Variants in POU6F2 observed in about 807,000 individuals in gnomAD.
The protein encoded by POU6F2 is POU domain, class 6, transcription factor 2.
A neutral mutation model predicts 71.3 loss-of-function variants in POU6F2; 31 were observed. The ratio of observed to expected loss-of-function variants is 0.43; its 90% confidence interval spans 0.33 to 0.59. The LOEUF is 0.59. Among genes scored for constraint, POU6F2 ranks in the 20% least tolerant of loss-of-function variants. The pLI is 0.04. For missense variants in POU6F2, 783 were observed against 856.8 expected, an observed-to-expected ratio of 0.91 and a Z score of 1.07; for synonymous variants, 347 against 355.7, an observed-to-expected ratio of 0.98 and a Z score of 0.27.
At chr7:39,156,718 C>T (rs1171471526) in intron 2 of POU6F2, among the ~76,000 whole-genome samples, 6 of 152,072 alleles carry the variant, frequency 3.9e-5, no homozygotes, top group African/African-American at 7.2e-5. Context: ...AGAAGTTAAA[C>T]GACTCAAAAG....
chr7:39,433,189 A>G lies in POU6F2; in HGVS notation c.1226A>G (p.Gln409Arg), dbSNP rs1467473333. The G allele has an allele frequency of 1.9e-6, 3 of 1,613,870 alleles. No individual in the cohort carries two copies. In the Admixed American group the frequency reaches 5.0e-5, roughly 27 times the overall value. Residue 409 changes from glutamine (Q) to arginine (R), a missense_variant, in exon 7 of 10, where the codon CAG becomes CGG. By Grantham distance (43) the Gln-to-Arg change is conservative. Around this residue, in one of 2 missense-constraint regions of POU6F2, gnomAD observed 572 missense variants for 572.9 expected, o/e 1.00. Coordinates refer to ENST00000518318, the MANE Select transcript of POU6F2 (RefSeq NM_001370959.1). ...PITPQLLTNA[Q>R]GQIIATVIGN... Reference sequence around the variant, plus strand: ...ACCCCCCAGCTCCTCACAAACGCCCAGGGCCAGATCATCGCCACAGTCATT... The same window carrying G: ...ACCCCCCAGCTCCTCACAAACGCCCGGGGCCAGATCATCGCCACAGTCATT...
intron 4 of POU6F2, among the ~76,000 whole-genome samples, chr7:39,256,110 T>C (rs1187422781): frequency 6.6e-6 from 1 of 151,394 alleles, no homozygotes; most frequent in Non-Finnish European, 1.5e-5. Flanking sequence ...GTTTCTCTGT[T>C]CCACATTGAG....
intron 1 of POU6F2, among the ~76,000 whole-genome samples, chr7:39,058,320 G>A (rs552666213): frequency 6.6e-6 from 1 of 152,256 alleles, no homozygotes; most frequent in East Asian, 1.9e-4. Context: ...ACCCTGATGG[G>A]GGTTAGGGAT....
chr7:39,216,700 T>A (rs1227858789), intron 4 of POU6F2, among the ~76,000 whole-genome samples: 1 of 152,198 alleles, frequency 6.6e-6, no homozygotes, highest in Non-Finnish European at 1.5e-5. Context: ...TATAAGTGAA[T>A]GCTCTAGGGC....
intron 1 of POU6F2, among the ~76,000 whole-genome samples, chr7:39,058,233 A>T (rs901213916): frequency 6.6e-6 from 1 of 152,208 alleles, no homozygotes; most frequent in Non-Finnish European, 1.5e-5. Context: ...CTCCCGGGGA[A>T]CAATACACTA....
rs1255966917 is a variant in POU6F2 at position 39,464,149 on chromosome 7, G to A, written c.1659-33G>A. ...GGCCCACCCTGGCAGAGGACTCAGTGTAAGACTGTTCTTTCTCAATTTTCC... is the reference window on the plus strand; with the variant it reads ...GGCCCACCCTGGCAGAGGACTCAGTATAAGACTGTTCTTTCTCAATTTTCC... On this transcript the variant is annotated intron_variant, in intron 9 of 9. Coordinates refer to ENST00000518318, the MANE Select transcript of POU6F2 (RefSeq NM_001370959.1). The surrounding 1 kb of genome is among the most constrained non-coding windows in gnomAD (Gnocchi z 4.1). 2.5e-6 allele frequency: 4 copies of A among 1,604,158 alleles called. No homozygotes were observed. Among genetic ancestry groups the A allele is most frequent in the Non-Finnish European group, 3.4e-6 (4 of 1,174,958 alleles).
At chr7:39,378,937 T>C (rs765815244) in intron 5 of POU6F2, among the ~76,000 whole-genome samples, 4 of 152,180 alleles carry the variant, frequency 2.6e-5, no homozygotes, top group Non-Finnish European at 5.9e-5. Flanking sequence ...GATTTTCCCT[T>C]GTGGGGAAGA....
At chr7:39,386,680 T>G (rs1414594756) in intron 5 of POU6F2, among the ~76,000 whole-genome samples, 1 of 152,180 alleles carries the variant, frequency 6.6e-6, no homozygotes, top group Non-Finnish European at 1.5e-5. Context: ...CCACTTTATT[T>G]TATTTATAAT....
intron 1 of POU6F2, among the ~76,000 whole-genome samples, chr7:39,079,050 C>G (rs769991109): frequency 6.6e-6 from 1 of 152,182 alleles, no homozygotes; most frequent in Non-Finnish European, 1.5e-5. Context: ...AAGTAACTCC[C>G]AGTCAGTTAG....
At chr7:39,178,658 C>T (rs948544724) in intron 2 of POU6F2, among the ~76,000 whole-genome samples, 1 of 152,010 alleles carries the variant, frequency 6.6e-6, no homozygotes, top group African/African-American at 2.4e-5. Context: ...ATATCTCCAC[C>T]CTATGAACCA....
At chr7:39,287,444 T>G (rs2128761238) in intron 4 of POU6F2, among the ~76,000 whole-genome samples, 1 of 152,288 alleles carries the variant, frequency 6.6e-6, no homozygotes, top group South Asian at 2.1e-4. Flanking sequence ...TTAGCTATTG[T>G]TCACCCTCCC....
At chr7:39,241,516 A>G (rs1263681829) in intron 4 of POU6F2, among the ~76,000 whole-genome samples, 2 of 152,116 alleles carry the variant, frequency 1.3e-5, no homozygotes, top group African/African-American at 4.8e-5. Context: ...TGGTCTGGAT[A>G]TGGGTGAAGA....
At chr7:39,272,596 T>C (rs1784361280) in intron 4 of POU6F2, among the ~76,000 whole-genome samples, 1 of 152,172 alleles carries the variant, frequency 6.6e-6, no homozygotes, top group Admixed American at 6.5e-5. Context: ...AAAATAAATA[T>C]CCTAAGTATT....
At chr7:39,302,228 AC>A (rs1197507677) in intron 4 of POU6F2, among the ~76,000 whole-genome samples, 1 of 152,194 alleles carries the variant, frequency 6.6e-6, no homozygotes, top group Non-Finnish European at 1.5e-5. Flanking sequence ...AACTAAGGTA[AC>A]CTAAGGACTC....
intron 4 of POU6F2, among the ~76,000 whole-genome samples, chr7:39,321,573 G>A (rs1785391840): frequency 1.3e-5 from 2 of 152,190 alleles, no homozygotes; most frequent in African/African-American, 4.8e-5. Context: ...GGGAGACAGT[G>A]AAAATTATTA....
intron 1 of POU6F2, among the ~76,000 whole-genome samples, chr7:39,074,535 A>G (rs1427118035): frequency 6.6e-6 from 1 of 152,194 alleles, no homozygotes; most frequent in Non-Finnish European, 1.5e-5. Context: ...TATCTTTTAT[A>G]GATATCAATT....
chr7:39,337,171 T>G (rs1027298986), intron 4 of POU6F2, among the ~76,000 whole-genome samples: 1 of 152,226 alleles, frequency 6.6e-6, no homozygotes, highest in African/African-American at 2.4e-5. Flanking sequence ...TTCTTTGTCA[T>G]GTTAAATTAT....
chr7:39,446,071 A>T (rs1333438358), intron 7 of POU6F2, among the ~76,000 whole-genome samples: 1 of 152,232 alleles, frequency 6.6e-6, no homozygotes, highest in East Asian at 1.9e-4. Flanking sequence ...AATCTTGAGA[A>T]CCGCTGATTT....
intron 1 of POU6F2, among the ~76,000 whole-genome samples, chr7:39,064,872 C>T (rs1790726265): frequency 6.6e-6 from 1 of 151,794 alleles, no homozygotes; most frequent in Non-Finnish European, 1.5e-5. Flanking sequence ...ATGCAATTGA[C>T]ATCTAATTGA....
Sources: allele counts gnomAD v4.1 joint callset (sites outside exome capture counted in the v4.1 genomes callset), GRCh38; gene constraint gnomAD v4.1.1; regional missense constraint gnomAD v4.1.1; non-coding constraint Gnocchi (gnomAD v3.1); transcripts MANE v1.5; gene names NCBI Gene and HGNC (gene_info 2026-07-23, HGNC 2026-07-21).